Variants in HSPH1 observed in about 807,000 individuals in gnomAD.
HSPH1 encodes heat shock protein family H (Hsp110) member 1, also known as heat shock protein 105 kDa.
Under a neutral mutation model 100.0 loss-of-function variants are expected in HSPH1, and 40 were observed. That is an observed-to-expected ratio of 0.40 (90% CI 0.31 to 0.52). HSPH1 has a LOEUF of 0.52. Ranked by LOEUF, HSPH1 falls within the 20% of genes least tolerant of loss-of-function variation. The probability of loss-of-function intolerance (pLI) is 0.54; values close to 1 mark genes in which losing one functional copy is unlikely to be tolerated. For missense variants in HSPH1, 876 were observed against 1,015.1 expected (o/e 0.86, Z 1.86); for synonymous variants, 403 against 344.0 (o/e 1.17, Z -1.90).
intron 10 of HSPH1, 56 bp downstream of exon 10, chr13:31,147,903 A>G: frequency 1.4e-6 from 2 of 1,432,338 alleles, no homozygotes; most frequent in Non-Finnish European, 1.9e-6. Flanking sequence ...TTGTACAATG[A>G]GTGAGAAGCT....
At chr13:31,153,034 A>G in intron 4 of HSPH1, 83 bp from the exon 5 acceptor site, 1 of 956,428 alleles carries the variant, frequency 1.0e-6, no homozygotes, top group Non-Finnish European at 1.7e-6. Context: ...TAAATTCACA[A>G]CAGTCCAGCT....
upstream of HSPH1, chr13:31,162,278 G>A (rs1399777152): frequency 3.1e-6 from 2 of 643,726 alleles, no homozygotes; most frequent in Non-Finnish European, 5.3e-6. Flanking sequence ...GAGGCTGGGC[G>A]GGCGGAGACA....
At chr13:31,160,252 C>G (rs1320283534) in intron 1 of HSPH1, among the ~76,000 whole-genome samples, 1 of 152,104 alleles carries the variant, frequency 6.6e-6, no homozygotes, top group Non-Finnish European at 1.5e-5. Context: ...TTACTAAACT[C>G]CAATTAAAAA....
chr13:31,152,669 A>G (rs917348956), intron 5 of HSPH1, among the ~76,000 whole-genome samples, 183 bp downstream of exon 5: 1 of 152,212 alleles, frequency 6.6e-6, no homozygotes, highest in Admixed American at 6.5e-5. Flanking sequence ...AAGCAGATTC[A>G]TAAGTTTGAT....
At chr13:31,140,965 C>A in intron 13 of HSPH1, 157 bp downstream of exon 13, 1 of 454,672 alleles carries the variant, frequency 2.2e-6, no homozygotes, top group East Asian at 3.5e-5. Flanking sequence ...AAAAATTAAA[C>A]TGCAAAATTC....
Position 31,151,746 on chromosome 13 carries a change from C to CA in HSPH1, c.530-5dup. 6.3e-7 allele frequency: 1 copy of CA among 1,596,080 alleles called. No individual in the cohort carries two copies. Among genetic ancestry groups the CA allele is most frequent in the Non-Finnish European group, 8.5e-7 (1 of 1,173,862 alleles). ...TAAATTCCGTAATTCAAAGCAACTACAAAAAATAAGTATGTTTCAATTCTT... is the reference window on the plus strand; with the variant it reads ...TAAATTCCGTAATTCAAAGCAACTACAAAAAAATAAGTATGTTTCAATTCTT... On this transcript the variant is annotated splice_region_variant and splice_polypyrimidine_tract_variant and intron_variant, in intron 5 of 17. Transcript: ENST00000320027.
intron 2 of HSPH1, among the ~76,000 whole-genome samples, chr13:31,157,227 G>C (rs562658104): frequency 6.6e-6 from 1 of 152,284 alleles, no homozygotes; most frequent in Non-Finnish European, 1.5e-5. Context: ...TTCTTCTCAA[G>C]TAATCACAAG....
intron 2 of HSPH1, among the ~76,000 whole-genome samples, chr13:31,158,474 G>A (rs1956779065): frequency 6.7e-6 from 1 of 149,844 alleles, no homozygotes; most frequent in Non-Finnish European, 1.5e-5. Context: ...GCTTTAACCC[G>A]GGAGGCGGAG....
At chr13:31,155,756 T>C in intron 2 of HSPH1, 102 bp from the exon 3 acceptor site, 1 of 934,304 alleles carries the variant, frequency 1.1e-6, no homozygotes, top group South Asian at 1.8e-5. Flanking sequence ...AAACCAATCC[T>C]ATGAGTGCAC....
At chr13:31,162,252 T>G (rs1349195280), upstream of HSPH1, 3 of 703,978 alleles carry the variant, frequency 4.3e-6, no homozygotes, top group Admixed American at 2.6e-5. Context: ...TGGTGTCCGA[T>G]CCTTAACGCT....
chr13:31,143,362 T>C (rs1956165102), intron 12 of HSPH1, among the ~76,000 whole-genome samples: 1 of 152,122 alleles, frequency 6.6e-6, no homozygotes, highest in African/African-American at 2.4e-5. Flanking sequence ...ATTAATTTAC[T>C]TAAATTTGAC....
Position 31,140,193 on chromosome 13 carries a change from T to A in HSPH1, c.1971A>T (p.Ile657=). The A allele has an allele frequency of 2.5e-6, 4 of 1,611,022 alleles. No homozygotes were observed. The highest frequency in any genetic ancestry group is 3.4e-6 in the Non-Finnish European group (4 of 1,178,180). Residue 657 remains isoleucine, a synonymous_variant, in exon 14 of 18, where the codon ATA becomes ATT. Transcript: ENST00000320027. ...DKLCGPYEKF[I]CEQDHQNFLR... is the part of the protein sequence containing the mutation. ...GAGCTCTAAGACATACCTGCTCACA[T>A]ATAAATTTTTCATATGGTCCACACA...
upstream of HSPH1, chr13:31,162,130 A>G: frequency 6.5e-7 from 1 of 1,528,758 alleles, no homozygotes; most frequent in Non-Finnish European, 8.8e-7. Flanking sequence ...CATTGGCTCA[A>G]ACCTGCCTCC....
chr13:31,149,826 T>C, intron 8 of HSPH1, 128 bp downstream of exon 8: 1 of 702,548 alleles, frequency 1.4e-6, no homozygotes, highest in Non-Finnish European at 2.5e-6. Context: ...CCTACAGCTT[T>C]ACGGGTTTGT....
intron 6 of HSPH1, 76 bp from the exon 7 acceptor site, chr13:31,151,267 C>A: frequency 1.7e-6 from 2 of 1,209,194 alleles, no homozygotes; most frequent in Admixed American, 2.3e-5. Flanking sequence ...TATTACTACT[C>A]AAACAATGAA....
At chr13:31,161,243 G>A (rs540364798) in intron 1 of HSPH1, among the ~76,000 whole-genome samples, 8 of 152,262 alleles carry the variant, frequency 5.3e-5, no homozygotes, top group African/African-American at 1.4e-4. Context: ...TCTCGACTCT[G>A]GGACTCCTCT....
intron 11 of HSPH1, among the ~76,000 whole-genome samples, chr13:31,144,380 C>G (rs1252613179): frequency 6.6e-6 from 1 of 152,140 alleles, no homozygotes; most frequent in Non-Finnish European, 1.5e-5. Flanking sequence ...GGCCAATTAT[C>G]AGTTATTTCG....
chr13:31,161,270 T>G (rs1000996976), intron 1 of HSPH1, among the ~76,000 whole-genome samples: 2 of 152,162 alleles, frequency 1.3e-5, no homozygotes, highest in African/African-American at 4.8e-5. Context: ...CGTGAATCCC[T>G]GAGACAATCC....
chr13:31,159,117 AG>A (rs1956806907), intron 1 of HSPH1, among the ~76,000 whole-genome samples: 1 of 81,828 alleles, frequency 1.2e-5, no homozygotes, highest in Non-Finnish European at 2.5e-5. Flanking sequence ...TCCAGGTTCC[AG>A]TTATTATGAA....
Sources: allele counts gnomAD v4.1 joint callset (sites outside exome capture counted in the v4.1 genomes callset), GRCh38; gene constraint gnomAD v4.1.1; transcripts MANE v1.5; gene names NCBI Gene and HGNC (gene_info 2026-07-23, HGNC 2026-07-21).